Variants in SGCZ observed in about 807,000 individuals in gnomAD.
The protein encoded by SGCZ is zeta-sarcoglycan.
In SGCZ, 40 loss-of-function variants were observed where a neutral mutation model predicts 41.3. The observed-to-expected ratio is 0.97, with a 90% CI of 0.75 to 1.26. The LOEUF (loss-of-function observed/expected upper bound fraction) is 1.26. Among genes scored for constraint, SGCZ ranks in the 50% most tolerant of loss-of-function variants. SGCZ has a pLI of 0.00. For missense variants in SGCZ, 552 were observed against 369.8 expected (o/e 1.49, Z -4.04); for synonymous variants, 206 against 137.5 (o/e 1.50, Z -3.49).
intron 1 of SGCZ, among the ~76,000 whole-genome samples, chr8:14,792,935 C>T (rs1359925705): frequency 1.3e-5 from 2 of 152,082 alleles, no homozygotes; most frequent in Non-Finnish European, 2.9e-5. Context: ...GCTGATGACA[C>T]TAAATTTATA....
chr8:15,197,673 G>A (rs1800772621), intron 1 of SGCZ, among the ~76,000 whole-genome samples: 1 of 152,084 alleles, frequency 6.6e-6, no homozygotes, highest in African/African-American at 2.4e-5. Context: ...AGACCCAGCG[G>A]CGTCCAACCC....
chr8:14,424,591 T>C (rs1799725722), intron 2 of SGCZ, among the ~76,000 whole-genome samples: 1 of 151,634 alleles, frequency 6.6e-6, no homozygotes, highest in Admixed American at 6.6e-5. Context: ...TCATCTATAA[T>C]TCATATATTT....
chr8:14,870,389 G>A (rs1341301448), intron 1 of SGCZ, among the ~76,000 whole-genome samples: 3 of 152,140 alleles, frequency 2.0e-5, no homozygotes, highest in Non-Finnish European at 4.4e-5. Flanking sequence ...GCCATATGCA[G>A]AAAACTAAAA....
intron 5 of SGCZ, among the ~76,000 whole-genome samples, chr8:14,120,589 G>A (rs1461430335): frequency 6.6e-6 from 1 of 151,828 alleles, no homozygotes. Context: ...TATGTATATT[G>A]TTTTGAGGAA....
chr8:15,199,569 C>T (rs17656261), intron 1 of SGCZ, among the ~76,000 whole-genome samples: 36,445 of 151,808 alleles, frequency 0.24, 4,712 homozygotes, highest in East Asian at 0.42. Flanking sequence ...GAAATTATGG[C>T]GTCCATTTAC....
intron 2 of SGCZ, among the ~76,000 whole-genome samples, chr8:14,545,323 T>G (rs2117162466): frequency 6.6e-6 from 1 of 151,896 alleles, no homozygotes; most frequent in Non-Finnish European, 1.5e-5. Flanking sequence ...TCTTGCCCAA[T>G]AAGATAATTT....
intron 2 of SGCZ, among the ~76,000 whole-genome samples, chr8:14,393,407 T>C (rs1221508267): frequency 6.6e-6 from 1 of 152,076 alleles, no homozygotes; most frequent in Non-Finnish European, 1.5e-5. Flanking sequence ...GTCAACCACA[T>C]GTACTATAAA....
At chr8:15,013,005 A>G (rs1417018984) in intron 1 of SGCZ, among the ~76,000 whole-genome samples, 1 of 152,018 alleles carries the variant, frequency 6.6e-6, no homozygotes, top group African/African-American at 2.4e-5. Context: ...GTTCTGTAGT[A>G]TGGTGTCTGG....
intron 2 of SGCZ, among the ~76,000 whole-genome samples, chr8:14,534,727 T>C (rs1400868266): frequency 6.6e-6 from 1 of 152,002 alleles, no homozygotes; most frequent in Non-Finnish European, 1.5e-5. Flanking sequence ...AAACCAAGTA[T>C]AAACTCATTG....
intron 1 of SGCZ, among the ~76,000 whole-genome samples, chr8:15,137,561 G>A (rs1213787084): frequency 1.3e-5 from 2 of 152,122 alleles, no homozygotes; most frequent in African/African-American, 2.4e-5. Context: ...GCAGCCTAGG[G>A]ACTTCATACC....
chr8:14,406,483 T>C (rs1277865959), intron 2 of SGCZ, among the ~76,000 whole-genome samples: 2 of 152,166 alleles, frequency 1.3e-5, no homozygotes, highest in East Asian at 3.9e-4. Context: ...GATGCTTAAA[T>C]CGTAGCTGGA....
chr8:15,116,927 T>G (rs1052988712), intron 1 of SGCZ, among the ~76,000 whole-genome samples: 4 of 152,266 alleles, frequency 2.6e-5, no homozygotes, highest in Non-Finnish European at 1.5e-5. Context: ...ACTGTATAAC[T>G]TTTATTCAAG....
At chr8:14,747,031 A>C (rs1282755786) in intron 1 of SGCZ, among the ~76,000 whole-genome samples, 1 of 152,168 alleles carries the variant, frequency 6.6e-6, no homozygotes, top group Non-Finnish European at 1.5e-5. Context: ...TATGCACTGA[A>C]TTTAATGCTC....
chr8:14,700,394 A>T (rs1809098116), intron 1 of SGCZ, among the ~76,000 whole-genome samples: 1 of 151,984 alleles, frequency 6.6e-6, no homozygotes, highest in Non-Finnish European at 1.5e-5. Flanking sequence ...TCTATTATAA[A>T]TGGGAGCTAA....
At chr8:14,402,386 T>C (rs1201954642) in intron 2 of SGCZ, among the ~76,000 whole-genome samples, 1 of 151,844 alleles carries the variant, frequency 6.6e-6, no homozygotes, top group Non-Finnish European at 1.5e-5. Context: ...TGAATGGTAA[T>C]GCCTAGGTTT....
intron 1 of SGCZ, among the ~76,000 whole-genome samples, chr8:14,869,310 T>A (rs1323278899): frequency 6.6e-6 from 1 of 151,994 alleles, no homozygotes; most frequent in African/African-American, 2.4e-5. Context: ...ACGTAATCCA[T>A]CACATATACA....
intron 1 of SGCZ, among the ~76,000 whole-genome samples, chr8:14,811,995 G>A (rs866967262): frequency 7.2e-5 from 11 of 152,052 alleles, no homozygotes; most frequent in Middle Eastern, 3.4e-3. Context: ...ATGCAACTCA[G>A]GAATGGGTAT....
chr8:14,661,388 G>A (rs1383781092), intron 1 of SGCZ, among the ~76,000 whole-genome samples: 1 of 152,286 alleles, frequency 6.6e-6, no homozygotes, highest in Middle Eastern at 3.4e-3. Flanking sequence ...AGGTTACAGA[G>A]TTGTGTATTT....
intron 1 of SGCZ, among the ~76,000 whole-genome samples, chr8:14,783,100 T>C (rs900793863): frequency 2.0e-5 from 3 of 152,008 alleles, no homozygotes; most frequent in African/African-American, 7.2e-5. Flanking sequence ...TCATAGAAAA[T>C]TGCAAATAAA....
Sources: allele counts gnomAD v4.1 joint callset (sites outside exome capture counted in the v4.1 genomes callset), GRCh38; gene constraint gnomAD v4.1.1; transcripts MANE v1.5; gene names NCBI Gene and HGNC (gene_info 2026-07-23, HGNC 2026-07-21).